Variants in MAST2 observed in about 807,000 individuals in gnomAD.
MAST2 encodes the protein microtubule-associated serine/threonine-protein kinase 2.
In MAST2, 70 loss-of-function variants were observed where a neutral mutation model predicts 147.4. That is an observed-to-expected ratio of 0.47 (90% CI 0.39 to 0.58). The LOEUF is 0.58. MAST2 is among the 20% of genes least tolerant of loss of function. MAST2 has a pLI of 0.00. For missense variants in MAST2, 2,080 were observed against 2,302.3 expected (o/e 0.90, Z 1.98); for synonymous variants, 869 against 896.8 (o/e 0.97, Z 0.55).
intron 16 of MAST2, 73 bp from the exon 17 acceptor site, chr1:46,027,658 T>C (rs1447756674): frequency 2.0e-6 from 3 of 1,509,998 alleles, no homozygotes; most frequent in Non-Finnish European, 2.7e-6. Context: ...GTGGGGAAAC[T>C]GGGCATATAC....
At chr1:45,831,839 G>GT (rs1290855579) in intron 3 of MAST2, among the ~76,000 whole-genome samples, 2 of 149,748 alleles carry the variant, frequency 1.3e-5, no homozygotes, top group Non-Finnish European at 3.0e-5. Context: ...GAGTGTAGTG[G>GT]TGTGATCTTG....
chr1:46,009,521 AAGG>A (rs1365457625), intron 9 of MAST2, among the ~76,000 whole-genome samples: 10 of 152,216 alleles, frequency 6.6e-5, no homozygotes, highest in Non-Finnish European at 1.3e-4. Context: ...AAGCATGAAG[AAGG>A]AGGCAGAACA....
chr1:45,948,183 G>C (rs1022659787), intron 4 of MAST2, among the ~76,000 whole-genome samples: 4 of 152,248 alleles, frequency 2.6e-5, no homozygotes, highest in Admixed American at 2.6e-4. Flanking sequence ...AAATACCTAG[G>C]AATACAGCTA....
At chr1:45,985,494 T>G (rs1644578327) in intron 5 of MAST2, among the ~76,000 whole-genome samples, 1 of 152,266 alleles carries the variant, frequency 6.6e-6, no homozygotes, top group Non-Finnish European at 1.5e-5. Flanking sequence ...CTTTTGTAAT[T>G]ACTTGCAGGC....
chr1:45,904,631 A>G (rs1193905678), intron 4 of MAST2, among the ~76,000 whole-genome samples: 1 of 151,564 alleles, frequency 6.6e-6, no homozygotes, highest in African/African-American at 2.4e-5. Context: ...ATACCCAGCT[A>G]ATTTTTGTAT....
intron 5 of MAST2, among the ~76,000 whole-genome samples, chr1:45,993,678 C>T (rs1644935543): frequency 1.3e-5 from 2 of 151,840 alleles, no homozygotes; most frequent in South Asian, 4.2e-4. Flanking sequence ...AATGAGACTC[C>T]ATCTCAAAAA....
chr1:45,885,008 TAAAGA>T (rs1647020116), intron 4 of MAST2, among the ~76,000 whole-genome samples: 2 of 152,164 alleles, frequency 1.3e-5, no homozygotes, highest in Admixed American at 1.3e-4. Context: ...GCATTTGTAG[TAAAGA>T]AAACAGGTAA....
chr1:45,959,978 C>T (rs557774992), intron 5 of MAST2, among the ~76,000 whole-genome samples: 22 of 152,200 alleles, frequency 1.4e-4, no homozygotes, highest in African/African-American at 5.3e-4. Context: ...TCTATGTTGC[C>T]CAGGCTGGTC....
At chr1:45,845,950 C>T (rs186163931) in intron 3 of MAST2, among the ~76,000 whole-genome samples, 20 of 152,162 alleles carry the variant, frequency 1.3e-4, no homozygotes, top group South Asian at 2.1e-4. Flanking sequence ...TTAGTAGAGA[C>T]GGGGTTTCAC....
chr1:45,906,608 A>G (rs1223183266), intron 4 of MAST2, among the ~76,000 whole-genome samples: 4 of 148,192 alleles, frequency 2.7e-5, no homozygotes, highest in Admixed American at 6.8e-5. Flanking sequence ...TATTATTGTT[A>G]TTATATAATT....
At chr1:45,991,634 T>C (rs923225392) in intron 5 of MAST2, among the ~76,000 whole-genome samples, 7 of 152,202 alleles carry the variant, frequency 4.6e-5, no homozygotes, top group African/African-American at 1.7e-4. Flanking sequence ...TTTCTGTTAA[T>C]GGTATTGTGT....
At chr1:45,980,726 A>G (rs1399771373) in intron 5 of MAST2, among the ~76,000 whole-genome samples, 2 of 152,014 alleles carry the variant, frequency 1.3e-5, no homozygotes, top group African/African-American at 2.4e-5. Context: ...TGTAGAGACA[A>G]AGTCTCACTG....
chr1:45,962,205 A>C (rs1660522734), intron 5 of MAST2, among the ~76,000 whole-genome samples: 1 of 152,172 alleles, frequency 6.6e-6, no homozygotes. Flanking sequence ...AGCCTTTGCT[A>C]TTGTGAGTCA....
chr1:45,922,201 T>G (rs1173948513), intron 4 of MAST2, among the ~76,000 whole-genome samples: 1 of 152,190 alleles, frequency 6.6e-6, no homozygotes, highest in East Asian at 1.9e-4. Context: ...TGCTGGTTGG[T>G]CCATGGGCGG....
intron 4 of MAST2, among the ~76,000 whole-genome samples, chr1:45,906,757 A>G (rs891162342): frequency 6.6e-6 from 1 of 151,888 alleles, no homozygotes; most frequent in Non-Finnish European, 1.5e-5. Flanking sequence ...CAATGTTTCT[A>G]TAAAGTCTAC....
chr1:46,034,962 C>A lies in MAST2; in HGVS notation c.4293C>A (p.Asp1431Glu). Residue 1431 changes from aspartate to glutamate, a missense_variant, in exon 29 of 29, where the codon GAC becomes GAA. Around this residue, in one of 4 missense-constraint regions of MAST2, gnomAD observed 1,278 missense variants for 1,304.2 expected, o/e 0.98. Transcript: ENST00000361297. ...KLATSRKHSLDLPHSELKKEL... is the reference protein window; with the variant it reads ...KLATSRKHSLELPHSELKKEL... ...CCACTTCTCGCAAGCACAGCCTTGA[C>A]CTGCCCCACTCTGAACTAAAGAAGG... The A allele has an allele frequency of 1.2e-6, 2 of 1,614,126 alleles. No individual in the cohort carries two copies. Among genetic ancestry groups the A allele is most frequent in the Non-Finnish European group, 1.7e-6 (2 of 1,180,038 alleles).
rs373710983 is a variant in MAST2 at position 46,019,746 on chromosome 1, T to C, written c.1290+49T>C. On this transcript the variant is annotated intron_variant, in intron 11 of 28. Transcript: ENST00000361297. The stretch of plus-strand genomic sequence containing the variant: ...GGTGGGCAGATTTAGAGGAGGACTA[T>C]AGAGGAAGTATCCTGATGACAGCAA... The C allele has an allele frequency of 3.0e-5, 45 of 1,492,132 alleles. No homozygotes were observed. The African/African-American group carries it at 5.9e-4, about 20-fold the overall frequency. 92.4% of individuals were successfully genotyped at this position (1,492,132 alleles called of 1,614,324 possible). A position where few individuals can be genotyped will look rare whatever the true frequency, so the allele number is the denominator to read the frequency against.
chr1:45,858,914 G>A (rs1645885795), intron 3 of MAST2, among the ~76,000 whole-genome samples: 1 of 152,094 alleles, frequency 6.6e-6, no homozygotes, highest in South Asian at 2.1e-4. Flanking sequence ...AAGATCAGAT[G>A]GTTGTAGATG....
In MAST2 at chr1:46,023,218, T is replaced by C. The variant is rs1483083034; in HGVS notation, c.1486-15T>C. The C allele has an allele frequency of 6.2e-7, 1 of 1,610,562 alleles. No homozygotes were observed. Among genetic ancestry groups the C allele is most frequent in the Admixed American group, 1.7e-5 (1 of 60,022 alleles). On this transcript the variant is annotated splice_polypyrimidine_tract_variant and intron_variant, in intron 13 of 28. Coordinates refer to ENST00000361297, the MANE Select transcript of MAST2 (RefSeq NM_015112.3). The surrounding 1 kb of genome is among the most constrained non-coding windows in gnomAD (Gnocchi z 4.9). ...AGAAGCATGCCTGTCTCCTGCCTTT[T>C]CCCTTGTCTTCCAGGGCCATGGGGC...
Sources: gnomAD v4.1 joint callset for allele counts (sites outside exome capture counted in the v4.1 genomes callset) on GRCh38, gnomAD v4.1.1 for gene constraint, gnomAD v4.1.1 regional missense constraint, Gnocchi (gnomAD v3.1) non-coding constraint, MANE v1.5 for transcripts, NCBI Gene and HGNC (gene_info 2026-07-23, HGNC 2026-07-21) for gene names.